The following GLI2 variants were observed in gnomAD, a reference collection of about 807,000 sequenced individuals.
The protein encoded by GLI2 is transcription activator GLI2.
Under a neutral mutation model 78.9 loss-of-function variants are expected in GLI2, and 22 were observed. The ratio of observed to expected loss-of-function variants is 0.28; its 90% CI spans 0.20 to 0.40. The LOEUF (loss-of-function observed/expected upper bound fraction) is 0.40. Among genes scored for constraint, GLI2 ranks in the 10% least tolerant of loss-of-function variants. The pLI is 1.00. For synonymous variants in GLI2, 974 were observed against 963.7 expected (o/e 1.01, Z -0.20); for missense variants, 2,097 against 2,213.2 (o/e 0.95, Z 1.05).
chr2:120,837,151 T>C (rs2104568174), intron 2 of GLI2, among the ~76,000 whole-genome samples: 1 of 152,196 alleles, frequency 6.6e-6, no homozygotes, highest in South Asian at 2.1e-4. Flanking sequence ...TCCCAGCACT[T>C]TGGGAGGCCG....
At chr2:120,969,029 T>TGGATTCACA (rs1682007461) in intron 6 of GLI2, 114 bp downstream of exon 6, 1 of 749,836 alleles carries the variant, frequency 1.3e-6, no homozygotes, top group Non-Finnish European at 2.3e-6. Flanking sequence ...ACAGGACCTG[T>TGGATTCACA]GGCATTTGTG....
At chr2:120,919,736 A>G (rs1221757281) in intron 2 of GLI2, among the ~76,000 whole-genome samples, 1 of 152,228 alleles carries the variant, frequency 6.6e-6, no homozygotes, top group Non-Finnish European at 1.5e-5. Flanking sequence ...GGCCACAGCC[A>G]AGGGGCTGAG....
In GLI2 at chr2:120,900,723, C is replaced by T. The variant is rs146337213; in HGVS notation, c.149-26638C>T. On this transcript the variant is annotated intron_variant, in intron 2 of 13. Transcript: ENST00000361492. ...CTGGGTAAAATAGACAAGGGATGTG[C>T]GTGGAGACGGACATTGTATCCAAAA... 9.8e-5 allele frequency among the ~76,000 whole-genome samples: 15 copies of T among 152,290 alleles called. No homozygotes were observed. The East Asian group carries it at 2.3e-3, about 23-fold the overall frequency.
intron 10 of GLI2, among the ~76,000 whole-genome samples, chr2:120,980,609 T>G (rs1003593014): frequency 2.0e-5 from 3 of 152,234 alleles, no homozygotes; most frequent in Non-Finnish European, 4.4e-5. Flanking sequence ...ATACTTTCTT[T>G]TAGAGCACAA....
intron 2 of GLI2, among the ~76,000 whole-genome samples, chr2:120,803,986 C>T (rs982280687): frequency 3.3e-5 from 5 of 152,084 alleles, no homozygotes; most frequent in African/African-American, 9.7e-5. Flanking sequence ...TTCAGCAGAG[C>T]GCTCCAGTGT....
intron 1 of GLI2, among the ~76,000 whole-genome samples, chr2:120,757,576 C>A (rs995866310): frequency 1.3e-5 from 2 of 152,238 alleles, no homozygotes; most frequent in Non-Finnish European, 1.5e-5. Flanking sequence ...GGCCTTGGGG[C>A]AAGAACAGTA....
At chr2:120,843,331 C>T (rs1475014372) in intron 2 of GLI2, among the ~76,000 whole-genome samples, 1 of 152,188 alleles carries the variant, frequency 6.6e-6, no homozygotes, top group Non-Finnish European at 1.5e-5. Context: ...ACCAGGCTTC[C>T]AGCCCCGAGG....
intron 2 of GLI2, among the ~76,000 whole-genome samples, chr2:120,843,905 G>T (rs1686996204): frequency 6.6e-6 from 1 of 152,154 alleles, no homozygotes; most frequent in African/African-American, 2.4e-5. Context: ...GACCTCAAGT[G>T]ATCCGCCCAC....
rs182967163 is a variant in GLI2, at chr2:120,961,128, G to C, written c.643+5698G>C. On this transcript the variant is annotated intron_variant, in intron 5 of 13. Transcript: ENST00000361492. ...CCCTCCACCACATTGAGAAGATTGAGATGTTTCCGACTGAAATGTTGTCTG... is the reference window on the plus strand; with the variant it reads ...CCCTCCACCACATTGAGAAGATTGACATGTTTCCGACTGAAATGTTGTCTG... Among the ~76,000 whole-genome samples, 24 of 152,300 alleles carry C rather than the reference G, an allele frequency of 1.6e-4. No individual in the cohort carries two copies. In the East Asian group the frequency reaches 4.4e-3, roughly 28 times the overall value.
intron 2 of GLI2, among the ~76,000 whole-genome samples, chr2:120,910,150 G>A (rs973647074): frequency 3.9e-5 from 6 of 152,040 alleles, no homozygotes; most frequent in Admixed American, 3.9e-4. Flanking sequence ...TCCCCCTGGG[G>A]CATCTGGTCC....
chr2:120,955,009 C>T (rs942925283), intron 4 of GLI2, among the ~76,000 whole-genome samples: 1 of 152,094 alleles, frequency 6.6e-6, no homozygotes, highest in Admixed American at 6.5e-5. Flanking sequence ...TGGTGGAGTA[C>T]AGAGGTCGGG....
At chr2:120,778,022 CG>C (rs1558791361) in intron 1 of GLI2, among the ~76,000 whole-genome samples, 1 of 152,084 alleles carries the variant, frequency 6.6e-6, no homozygotes, top group East Asian at 1.9e-4. Flanking sequence ...GCATCAAACA[CG>C]GGGTTGGCAG....
At chr2:120,968,144 T>G (rs1396341244) in intron 5 of GLI2, among the ~76,000 whole-genome samples, 2 of 152,130 alleles carry the variant, frequency 1.3e-5, no homozygotes, top group East Asian at 3.8e-4. Context: ...AAACTGACCA[T>G]GTGGATGAAG....
intron 3 of GLI2, among the ~76,000 whole-genome samples, chr2:120,929,345 A>C (rs1391391608): frequency 6.6e-6 from 1 of 152,242 alleles, no homozygotes; most frequent in Non-Finnish European, 1.5e-5. Context: ...GGTAATACTT[A>C]GAGGATATGG....
At chr2:120,841,321 T>A (rs886876499) in intron 2 of GLI2, among the ~76,000 whole-genome samples, 2 of 152,096 alleles carry the variant, frequency 1.3e-5, no homozygotes, top group Non-Finnish European at 2.9e-5. Context: ...GCTTCTACGC[T>A]CCATACTAAG....
Position 120,827,728 on chromosome 2 carries a change from C to T in GLI2, c.148+30260C>T, listed in dbSNP as rs151152376. Among the ~76,000 whole-genome samples the T allele has an allele frequency of 2.6e-5, 4 of 152,340 alleles. No homozygotes were observed. The East Asian group carries it at 7.7e-4, about 29-fold the overall frequency. On this transcript the variant is annotated intron_variant, in intron 2 of 13. Transcript: ENST00000361492. The stretch of plus-strand genomic sequence containing the variant: ...CTTAAAAAGGAAGGACATTCGGACA[C>T]AGCACAGATGAACCTTGAGAACGTT...
At chr2:120,768,240 G>C (rs781624341) in intron 1 of GLI2, among the ~76,000 whole-genome samples, 8 of 152,158 alleles carry the variant, frequency 5.3e-5, no homozygotes, top group Non-Finnish European at 7.3e-5. Flanking sequence ...TTTCCCATTC[G>C]ATCTTCACAG....
chr2:120,808,234 A>G (rs1685054180), intron 2 of GLI2, among the ~76,000 whole-genome samples: 1 of 152,116 alleles, frequency 6.6e-6, no homozygotes, highest in Non-Finnish European at 1.5e-5. Flanking sequence ...GTCCAGGAGA[A>G]GCCCCTTGCA....
At chr2:120,859,466 TTTTTTTTTTG>T in intron 2 of GLI2, among the ~76,000 whole-genome samples, 1 of 149,386 alleles carries the variant, frequency 6.7e-6, no homozygotes, top group Admixed American at 6.7e-5. Flanking sequence ...TTTTTTTTTT[TTTTTTTTTTG>T]ACAGAGTCTC....
Sources: gnomAD v4.1 joint callset for allele counts (sites outside exome capture counted in the v4.1 genomes callset) on GRCh38, gnomAD v4.1.1 for gene constraint, MANE v1.5 for transcripts, NCBI Gene and HGNC (gene_info 2026-07-23, HGNC 2026-07-21) for gene names.